The following MYO7A variants were observed in gnomAD, a reference collection of about 807,000 sequenced individuals.
MYO7A encodes the protein unconventional myosin-VIIa.
MYO7A carries 210 observed loss-of-function variants against 263.8 expected under a neutral mutation model. The ratio of observed to expected loss-of-function variants is 0.80; its 90% CI spans 0.71 to 0.89. The LOEUF (loss-of-function observed/expected upper bound fraction) is 0.89. MYO7A is among the 40% of genes least tolerant of loss of function. The probability of loss-of-function intolerance (pLI) is 0.00; values close to 1 mark genes in which losing one functional copy is unlikely to be tolerated. For synonymous variants in MYO7A, 1,239 were observed against 1,197.3 expected, an observed-to-expected ratio of 1.03 and a Z score of -0.72; for missense variants, 2,820 against 2,968.3, an observed-to-expected ratio of 0.95 and a Z score of 1.16.
At chr11:77,162,736 A>G (rs1953115740) in intron 13 of MYO7A, 117 bp from the exon 14 acceptor site, 1 of 1,380,450 alleles carries the variant, frequency 7.2e-7, no homozygotes. Context: ...TATGTGAGGT[A>G]GAAATAAAAG....
intron 2 of MYO7A, among the ~76,000 whole-genome samples, chr11:77,134,003 C>A (rs911433674): frequency 6.6e-6 from 1 of 151,674 alleles, no homozygotes; most frequent in Non-Finnish European, 1.5e-5. Flanking sequence ...AATCTCGGCC[C>A]ACTGCAACCT....
chr11:77,132,820 T>C (rs1950804712), intron 2 of MYO7A, among the ~76,000 whole-genome samples: 1 of 152,140 alleles, frequency 6.6e-6, no homozygotes, highest in South Asian at 2.1e-4. Flanking sequence ...TTGCATATGA[T>C]GAAACAGGCT....
chr11:77,158,472 AG>A, intron 9 of MYO7A, 42 bp downstream of exon 9: 1 of 1,592,834 alleles, frequency 6.3e-7, no homozygotes. Flanking sequence ...CCCTGCGCCA[AG>A]GGCAGTGCAG....
chr11:77,181,644 C>T (rs782746939), intron 23 of MYO7A, 55 bp downstream of exon 23: 19 of 1,538,082 alleles, frequency 1.2e-5, no homozygotes, highest in Admixed American at 1.8e-5. Flanking sequence ...TTGTGTTGAT[C>T]CTCCCTCCTT....
chr11:77,163,053 C>T (rs1055948428), intron 14 of MYO7A, 65 bp downstream of exon 14: 33 of 1,564,044 alleles, frequency 2.1e-5, no homozygotes, highest in Admixed American at 1.6e-4. Flanking sequence ...TGCTCCAGCC[C>T]AGGAATAAGA....
chr11:77,167,665 T>C (rs1328953636), intron 15 of MYO7A, among the ~76,000 whole-genome samples: 1 of 152,124 alleles, frequency 6.6e-6, no homozygotes, highest in Non-Finnish European at 1.5e-5. Flanking sequence ...TTTTCTCTCC[T>C]CAGCCCTCCA....
At chr11:77,129,436 G>A (rs377129272) in intron 1 of MYO7A, among the ~76,000 whole-genome samples, 7 of 152,262 alleles carry the variant, frequency 4.6e-5, no homozygotes, top group Admixed American at 1.3e-4. Flanking sequence ...AAATTGATGC[G>A]CATTCTAGGA....
intron 2 of MYO7A, chr11:77,142,500 C>T (rs1555051176): frequency 1.6e-6 from 1 of 632,452 alleles, no homozygotes; most frequent in Non-Finnish European, 2.9e-6. Context: ...TATGGCTGTT[C>T]TAGAGGGGGG....
intron 14 of MYO7A, among the ~76,000 whole-genome samples, chr11:77,164,110 ATCT>A (rs1953300380): frequency 6.6e-6 from 1 of 152,212 alleles, no homozygotes; most frequent in Non-Finnish European, 1.5e-5. Context: ...AAGACCGTGC[ATCT>A]TCTTTTCCCC....
rs1050941800 is a variant in MYO7A at position 77,179,799 on chromosome 11, G to T, written c.2432G>T (p.Arg811Leu). 12 of 1,548,598 alleles carry T rather than the reference G, an allele frequency of 7.7e-6. No homozygotes were observed. The East Asian group carries it at 2.4e-4, about 31-fold the overall frequency. The change falls in exon 21 of 49, where the codon CGC becomes CTC. Residue 811 changes from arginine (R) to leucine (L), a missense_variant. Transcript: ENST00000409709. The stretch of plus-strand genomic sequence containing the variant: ...TCCCGGAAGCTGCACCAGCAGTACC[G>T]CCTGGCCCGCCAGCGCATCATCCAG... ...HRSRKLHQQYRLARQRIIQFQ... is the reference protein window; with the variant it reads ...HRSRKLHQQYLLARQRIIQFQ...
intron 3 of MYO7A, among the ~76,000 whole-genome samples, chr11:77,143,668 G>A (rs1184562675): frequency 2.0e-5 from 3 of 152,234 alleles, no homozygotes; most frequent in African/African-American, 4.8e-5. Flanking sequence ...GCTTAGCAGG[G>A]ATATGAAGAA....
Position 77,155,945 on chromosome 11 carries a change from C to T in MYO7A, c.324C>T (p.Tyr108=), listed in dbSNP as rs116892396. 391 of 1,611,436 alleles carry T rather than the reference C, an allele frequency of 2.4e-4. 4 individuals are homozygous for T. In the East Asian group the frequency reaches 8.2e-3, roughly 34 times the overall value. Residue 108 remains tyrosine (Y), a synonymous_variant, in exon 5 of 49, where the codon TAC becomes TAT. Coordinates refer to ENST00000409709, the MANE Select transcript of MYO7A (RefSeq NM_000260.4). ...CCATCCTGGTGGCTGTGAACCCCTA[C>T]CAGCTGCTCTCCATCTACTCGCCAG... ...TGSILVAVNP[Y]QLLSIYSPEH... is the part of the protein sequence containing the mutation.
intron 31 of MYO7A, among the ~76,000 whole-genome samples, chr11:77,192,897 G>GAT (rs1956216047): frequency 8.0e-6 from 1 of 125,184 alleles, no homozygotes; most frequent in Non-Finnish European, 1.7e-5. Context: ...AGGTAGTGAT[G>GAT]GTGTTGGTGA....
chr11:77,199,363 G>A (rs1486522048), intron 34 of MYO7A, among the ~76,000 whole-genome samples, 172 bp from the exon 35 acceptor site: 5 of 152,224 alleles, frequency 3.3e-5, no homozygotes. Context: ...TAAAGGGTGA[G>A]TAGGAATTAG....
chr11:77,130,511 GC>G, intron 1 of MYO7A, 77 bp from the exon 2 acceptor site: 2 of 1,134,500 alleles, frequency 1.8e-6, no homozygotes, highest in Non-Finnish European at 2.6e-6. Context: ...TTTGGGAGGA[GC>G]CCAGGTGACC....
intron 12 of MYO7A, among the ~76,000 whole-genome samples, chr11:77,161,791 C>A (rs1555068968): frequency 1.3e-5 from 2 of 152,226 alleles, no homozygotes. Flanking sequence ...CTTTCTCTCC[C>A]AGGCATCTGC....
At position 77,157,084 on chromosome 11, in the gene MYO7A, G is replaced by GCTGCCCGTATTGCTCCCCCAC; in HGVS notation, c.735+95_735+115dup. The GCTGCCCGTATTGCTCCCCCAC allele has an allele frequency of 2.6e-6, 4 of 1,554,218 alleles. No homozygotes were observed. The South Asian group carries it at 3.6e-5, about 14-fold the overall frequency. ...TCTGCGTGGCCCACCTGCCCGTATT[G>GCTGCCCGTATTGCTCCCCCAC]CTGCCCGTATTGCTCCCCCACCTGC... On this transcript the variant is annotated intron_variant, in intron 7 of 48. Transcript: ENST00000409709.
chr11:77,212,507 G>T, intron 46 of MYO7A: 1 of 341,528 alleles, frequency 2.9e-6, no homozygotes, highest in Non-Finnish European at 5.7e-6. Flanking sequence ...GACGTGGCCA[G>T]AAAGCCTCTC....
Position 77,204,076 on chromosome 11 carries a change from C to CTG in MYO7A, c.5330_5331dup (p.Leu1778CysfsTer28). On this transcript the variant is annotated frameshift_variant and splice_region_variant, in exon 39 of 49. Coordinates refer to ENST00000409709, the MANE Select transcript of MYO7A (RefSeq NM_000260.4). LOFTEE classifies it high-confidence loss of function. ...CAAGCCCTTCCTTGACAGTCCCCAG[C>CTG]TGTGCTCAAGTACATGGGCGACTAC... is the stretch of plus-strand genomic sequence containing the variant. 2 of 1,599,146 alleles carry CTG rather than the reference C, an allele frequency of 1.3e-6. No individual in the cohort carries two copies. The highest frequency in any genetic ancestry group is 1.7e-6 in the Non-Finnish European group (2 of 1,173,040).
Sources: allele counts gnomAD v4.1 joint callset (sites outside exome capture counted in the v4.1 genomes callset), GRCh38; gene constraint gnomAD v4.1.1; transcripts MANE v1.5; gene names NCBI Gene and HGNC (gene_info 2026-07-23, HGNC 2026-07-21).